Variants in MID2 observed in about 807,000 individuals in gnomAD.
The protein encoded by MID2 is probable E3 ubiquitin-protein ligase MID2.
MID2 carries 13 observed loss-of-function variants against 46.1 expected under a neutral mutation model. The ratio of observed to expected loss-of-function variants is 0.28; its 90% CI spans 0.18 to 0.45. The LOEUF is 0.45. Ranked by LOEUF, MID2 falls within the 20% of genes least tolerant of loss-of-function variation. The pLI is 1.00. For missense variants in MID2, 431 were observed against 575.4 expected, an observed-to-expected ratio of 0.75 and a Z score of 2.57; for synonymous variants, 199 against 212.3, an observed-to-expected ratio of 0.94 and a Z score of 0.55.
Position 107,899,948 on chromosome X carries a change from G to A in MID2, c.817-4010G>A, listed in dbSNP as rs191420174. ...GTCTTCAAACAAAGAAAATACCAGGGGCTTTCAAATGTCTTCCAAGCAATT... is the reference window on the plus strand; with the variant it reads ...GTCTTCAAACAAAGAAAATACCAGGAGCTTTCAAATGTCTTCCAAGCAATT... On this transcript the variant is annotated intron_variant, in intron 3 of 9. Transcript: ENST00000262843. 8.2e-4 allele frequency among the ~76,000 whole-genome samples: 91 copies of A among 111,515 alleles called. 1 individual carries two copies. The highest frequency in any genetic ancestry group is 2.9e-3 in the African/African-American group (89 of 30,710).
At chrX:107,833,938 T>C (rs765695584) in intron 1 of MID2, among the ~76,000 whole-genome samples, 27 of 110,815 alleles carry the variant, frequency 2.4e-4, no homozygotes, top group Non-Finnish European at 1.9e-5. Flanking sequence ...GGACTACAGG[T>C]GCATGCCACC....
intron 1 of MID2, among the ~76,000 whole-genome samples, chrX:107,840,316 G>T (rs1033992836): frequency 2.9e-4 from 32 of 112,041 alleles, no homozygotes; most frequent in African/African-American, 9.7e-4. Flanking sequence ...TGGGAATTTT[G>T]CAGGGTCTCA....
At chrX:107,885,536 G>T (rs1476914677) in intron 3 of MID2, among the ~76,000 whole-genome samples, 1 of 111,298 alleles carries the variant, frequency 9.0e-6, no homozygotes, top group Non-Finnish European at 1.9e-5. Flanking sequence ...GGACATTTGG[G>T]TTAGTTCCAA....
chrX:107,826,503 G>T, intron 1 of MID2, 73 bp downstream of exon 1: 1 of 1,082,327 alleles, frequency 9.2e-7, no homozygotes, highest in Non-Finnish European at 1.2e-6. Context: ...CTCCGGCTCC[G>T]GCCGCTTTTC....
rs951590981 is a variant in MID2, at chrX:107,872,031, C to T, written c.816+17327C>T. Among the ~76,000 whole-genome samples, 7 of 112,148 alleles carry T rather than the reference C, an allele frequency of 6.2e-5. No homozygotes were observed. In the East Asian group the frequency reaches 2.0e-3, roughly 31 times the overall value. On this transcript the variant is annotated intron_variant, in intron 3 of 9. Transcript: ENST00000262843. ...TGCCCAGAATTTCCCTGCCTCCTGC[C>T]CCTGTCATTTCCCTCCTCTGAAGAG...
At chrX:107,830,549 G>A (rs1005169686) in intron 1 of MID2, among the ~76,000 whole-genome samples, 3 of 112,084 alleles carry the variant, frequency 2.7e-5, no homozygotes, top group African/African-American at 9.7e-5. Flanking sequence ...GTTGATACTG[G>A]ATATACAACA....
At chrX:107,864,150 A>G (rs1380508992) in intron 3 of MID2, among the ~76,000 whole-genome samples, 1 of 112,059 alleles carries the variant, frequency 8.9e-6, no homozygotes, top group Non-Finnish European at 1.9e-5. Context: ...CCACCGATTC[A>G]TTTGTGCTCA....
chrX:107,865,507 G>A (rs1204937002), intron 3 of MID2, among the ~76,000 whole-genome samples: 1 of 111,942 alleles, frequency 8.9e-6, no homozygotes, highest in South Asian at 3.8e-4. Context: ...CCCAGTGAGA[G>A]AATTAGTGTT....
intron 3 of MID2, among the ~76,000 whole-genome samples, chrX:107,864,910 T>G (rs1931924135): frequency 8.9e-6 from 1 of 111,771 alleles, no homozygotes; most frequent in Non-Finnish European, 1.9e-5. Flanking sequence ...AAATCTTGAA[T>G]CCAAGTTTAC....
intron 3 of MID2, among the ~76,000 whole-genome samples, chrX:107,860,007 T>G (rs1026035288): frequency 8.9e-6 from 1 of 111,905 alleles, no homozygotes; most frequent in Non-Finnish European, 1.9e-5. Flanking sequence ...GGTGAATAAC[T>G]GAATAAAATC....
chrX:107,923,052 A>G (rs760022250), intron 7 of MID2, among the ~76,000 whole-genome samples: 11 of 112,028 alleles, frequency 9.8e-5, no homozygotes, highest in African/African-American at 3.6e-4. Flanking sequence ...TTTCTCCTGC[A>G]TATCTGTTTG....
At chrX:107,848,966 G>A (rs1385186972) in intron 2 of MID2, among the ~76,000 whole-genome samples, 2 of 111,915 alleles carry the variant, frequency 1.8e-5, no homozygotes, top group Admixed American at 9.4e-5. Context: ...TAGTAATGGG[G>A]CCACTGGCTC....
Position 107,841,157 on chromosome X carries a change from T to C in MID2, c.492T>C (p.Arg164=). The stretch of plus-strand genomic sequence containing the variant: ...CCTGTGAGGTCTCCTACTGTGACCG[T>C]TGCCTGCGGGCCACGCACCCCAACA... ...CITCEVSYCD[R]CLRATHPNKK... The change falls in exon 2 of 10, where the codon CGT becomes CGC. Residue 164 remains arginine (R), a synonymous_variant. Coordinates refer to ENST00000262843, the MANE Select transcript of MID2 (RefSeq NM_012216.4). 1 of 1,211,581 alleles carries C rather than the reference T, an allele frequency of 8.3e-7. No homozygotes were observed. The highest frequency in any genetic ancestry group is 1.1e-6 in the Non-Finnish European group (1 of 895,371).
At chrX:107,833,139 G>A (rs1409668100) in intron 1 of MID2, among the ~76,000 whole-genome samples, 2 of 111,470 alleles carry the variant, frequency 1.8e-5, no homozygotes, top group Admixed American at 9.6e-5. Context: ...AATAAAAGTT[G>A]TGTTTTTAGG....
At position 107,926,784 on chromosome X, in the gene MID2, A is replaced by G; in HGVS notation, c.1919A>G (p.Asn640Ser). ...AGTAACTTCGTGGTGAGACACAACA[A>G]CAAGGAAATGCTGGTGGATGTGCCC... is the stretch of plus-strand genomic sequence containing the variant. ...CNSNFVVRHN[N>S]KEMLVDVPPH... The change falls in exon 10 of 10, where the codon AAC (asparagine) becomes AGC (serine). Residue 640 changes from asparagine to serine, a missense_variant. Transcript: ENST00000262843. 8.3e-7 allele frequency: 1 copy of G among 1,211,586 alleles called. No individual in the cohort carries two copies. The highest frequency in any genetic ancestry group is 1.1e-6 in the Non-Finnish European group (1 of 895,318).
intron 2 of MID2, among the ~76,000 whole-genome samples, chrX:107,844,150 A>C (rs939188526): frequency 3.3e-4 from 37 of 111,803 alleles, no homozygotes; most frequent in African/African-American, 7.5e-4. Flanking sequence ...TTGTTCAATA[A>C]AGAATAAATA....
rs1276957001 is a variant in MID2, at chrX:107,845,525, A to ACACACTCTCT, written c.720+4141_720+4142insACACTCTCTC. 4.9e-4 allele frequency among the ~76,000 whole-genome samples: 36 copies of ACACACTCTCT among 72,946 alleles called. 1 individual carries two copies. Among genetic ancestry groups the ACACACTCTCT allele is most frequent in the African/African-American group, 2.7e-3 (36 of 13,212 alleles). 63.3% of individuals were successfully genotyped at this position (72,946 alleles called of 115,157 possible). A position where few individuals can be genotyped will look rare whatever the true frequency, so the allele number is the denominator to read the frequency against. On this transcript the variant is annotated intron_variant, in intron 2 of 9. Coordinates refer to ENST00000262843, the MANE Select transcript of MID2 (RefSeq NM_012216.4). ...CACACACACACACACACACACACACACTCTCTCTCTCTCTCTCTCTCTCTC... is the reference window on the plus strand; with the variant it reads ...CACACACACACACACACACACACACACACACTCTCTCTCTCTCTCTCTCTCTCTCTCTCTC...
intron 3 of MID2, among the ~76,000 whole-genome samples, chrX:107,876,392 A>G (rs1212475555): frequency 4.5e-5 from 5 of 111,446 alleles, no homozygotes; most frequent in Non-Finnish European, 9.4e-5. Flanking sequence ...GAATTGGGAG[A>G]TAGAGAGGTG....
chrX:107,930,223 A>T lies in MID2; in HGVS notation c.*3150A>T, dbSNP rs906107507. ...TATGAAAGTTTCCTCTTGTACTCTC[A>T]TGTTCGTAGTGATGTTTGTTACTTC... On this transcript the variant is annotated 3_prime_UTR_variant, in exon 10 of 10. Coordinates refer to ENST00000262843, the MANE Select transcript of MID2 (RefSeq NM_012216.4). Among the ~76,000 whole-genome samples the T allele has an allele frequency of 3.6e-5, 4 of 111,712 alleles. No individual in the cohort carries two copies. The highest frequency in any genetic ancestry group is 7.5e-5 in the Non-Finnish European group (4 of 53,073).
Sources: gnomAD v4.1 joint callset for allele counts (sites outside exome capture counted in the v4.1 genomes callset) on GRCh38, gnomAD v4.1.1 for gene constraint, MANE v1.5 for transcripts, NCBI Gene and HGNC (gene_info 2026-07-23, HGNC 2026-07-21) for gene names.